Variants in PTBP2 observed in about 807,000 individuals in gnomAD.
PTBP2 encodes the protein polypyrimidine tract binding protein 2.
In PTBP2, 13 loss-of-function variants were observed where a neutral mutation model predicts 61.4. The observed-to-expected ratio is 0.21, with a 90% CI of 0.14 to 0.34. The LOEUF (loss-of-function observed/expected upper bound fraction) is 0.34. PTBP2 is among the 10% of genes least tolerant of loss of function. The pLI is 1.00. For missense variants in PTBP2, 405 were observed against 642.6 expected (o/e 0.63, Z 4.00); for synonymous variants, 215 against 218.5 (o/e 0.98, Z 0.14).
chr1:96,816,574 T>G (rs1443860638), downstream of PTBP2: 1 of 152,042 alleles, frequency 6.6e-6, no homozygotes, highest in Non-Finnish European at 1.5e-5. Flanking sequence ...ATGAAGAAAA[T>G]TTTTCCTTAA....
In PTBP2 at chr1:96,806,597, C is replaced by T. The variant is rs183659612; in HGVS notation, c.1078+145C>T. 253 of 933,384 alleles carry T rather than the reference C, an allele frequency of 2.7e-4. 2 individuals are homozygous for T. The East Asian group carries it at 6.2e-3, about 23-fold the overall frequency. The allele number at this position is 933,384 out of a possible 1,614,324, so 57.8% of individuals were successfully genotyped here. On this transcript the variant is annotated intron_variant, in intron 10 of 13. Transcript: ENST00000674951. ...TGCTATTTAAAACTCTCCATAGACA[C>T]AAAATTTGTTTTAATGCATGCTAAT...
At chr1:96,788,267 T>A (rs1659420635) in intron 8 of PTBP2, among the ~76,000 whole-genome samples, 1 of 152,126 alleles carries the variant, frequency 6.6e-6, no homozygotes, top group South Asian at 2.1e-4. Context: ...AGCCAAGCCT[T>A]CAGCTTTATT....
At chr1:96,778,079 GAAAC>G in intron 7 of PTBP2, 133 bp downstream of exon 7, 1 of 379,170 alleles carries the variant, frequency 2.6e-6, no homozygotes, top group Non-Finnish European at 4.7e-6. Context: ...TTAATATTAA[GAAAC>G]CTTAATATTT....
At chr1:96,726,522 C>T (rs1374758861) in intron 2 of PTBP2, among the ~76,000 whole-genome samples, 1 of 151,844 alleles carries the variant, frequency 6.6e-6, no homozygotes, top group East Asian at 2.0e-4. Context: ...ACTGCAACCT[C>T]TGCCTCCTGG....
At chr1:96,804,632 A>T (rs971612574) in intron 8 of PTBP2, among the ~76,000 whole-genome samples, 168 bp from the exon 9 acceptor site, 3 of 152,210 alleles carry the variant, frequency 2.0e-5, no homozygotes, top group Non-Finnish European at 4.4e-5. Context: ...TCTTTACTAC[A>T]CATCAGCAAA....
intron 11 of PTBP2, among the ~76,000 whole-genome samples, chr1:96,810,571 G>A (rs72721997): frequency 1.9e-4 from 29 of 152,150 alleles, no homozygotes; most frequent in South Asian, 6.2e-4. Context: ...TCACTCATCT[G>A]TTCTGTATGC....
At chr1:96,785,348 C>A in intron 8 of PTBP2, 94 bp downstream of exon 8, 2 of 998,564 alleles carry the variant, frequency 2.0e-6, no homozygotes, top group Non-Finnish European at 2.8e-6. Flanking sequence ...TGGACCTTAC[C>A]AAATTGTGTT....
At chr1:96,785,904 A>G (rs1283911272) in intron 8 of PTBP2, among the ~76,000 whole-genome samples, 1 of 152,216 alleles carries the variant, frequency 6.6e-6, no homozygotes, top group Admixed American at 6.5e-5. Context: ...TATAGTTGAT[A>G]GCGTGGAATC....
intron 2 of PTBP2, among the ~76,000 whole-genome samples, chr1:96,746,641 C>A (rs1038433606): frequency 3.4e-5 from 5 of 146,810 alleles, no homozygotes; most frequent in Admixed American, 2.8e-4. Context: ...GAGTTTGAGG[C>A]TGCAGTGAGC....
At position 96,806,796 on chromosome 1, in the gene PTBP2, A is replaced by T. The variant is rs1033167569; in HGVS notation, c.1079-70A>T. On this transcript the variant is annotated intron_variant, in intron 10 of 13. Transcript: ENST00000674951. ...AATGTTTCATTGATATGTCAGAAAG[A>T]TAATCTTTAGGTGACTTCCACATAA... The T allele has an allele frequency of 2.7e-6, 3 of 1,126,246 alleles. No individual in the cohort carries two copies. In the African/African-American group the frequency reaches 4.8e-5, roughly 18 times the overall value. 69.8% of individuals were successfully genotyped at this position (1,126,246 alleles called of 1,614,324 possible). A position where few individuals can be genotyped will look rare whatever the true frequency, so the allele number is the denominator to read the frequency against.
At chr1:96,768,231 T>C (rs1656965796) in intron 3 of PTBP2, among the ~76,000 whole-genome samples, 1 of 152,006 alleles carries the variant, frequency 6.6e-6, no homozygotes, top group African/African-American at 2.4e-5. Flanking sequence ...TCAGGAATCA[T>C]ATAATCATCT....
In PTBP2 at chr1:96,814,506, C is replaced by T. The variant is rs1280282440; in HGVS notation, c.*1101C>T. The T allele has an allele frequency of 1.3e-5, 2 of 152,366 alleles. No individual in the cohort carries two copies. The highest frequency in any genetic ancestry group is 4.8e-5 in the African/African-American group (2 of 41,398). The allele number at this position is 152,366 out of a possible 1,614,324, so 9.4% of individuals were successfully genotyped here. On this transcript the variant is annotated 3_prime_UTR_variant, in exon 14 of 14. Coordinates refer to ENST00000674951, the MANE Select transcript of PTBP2 (RefSeq NM_021190.4). ...GTAATATTCAGTTTTAATAAATCTT[C>T]AAAATATTTTGTATTTAGGAATAGA...
In PTBP2 at chr1:96,813,019, A is replaced by T. The variant is rs908853034; in HGVS notation, c.1389-10A>T. On this transcript the variant is annotated splice_polypyrimidine_tract_variant and intron_variant, in intron 12 of 13. Transcript: ENST00000674951. The stretch of plus-strand genomic sequence containing the variant: ...AATCTTCACTTTTTCTTCCCATTCA[A>T]TTTTCCTAGTCCATCAGTAGCAGAA... The T allele has an allele frequency of 1.2e-6, 2 of 1,609,362 alleles. No homozygotes were observed. The highest frequency in any genetic ancestry group is 1.7e-5 in the Admixed American group (1 of 59,932).
At chr1:96,800,153 A>G (rs1442968209) in intron 8 of PTBP2, among the ~76,000 whole-genome samples, 1 of 152,144 alleles carries the variant, frequency 6.6e-6, no homozygotes, top group Non-Finnish European at 1.5e-5. Context: ...CATTGGACAT[A>G]ATAGATTATC....
intron 3 of PTBP2, among the ~76,000 whole-genome samples, chr1:96,769,426 A>G (rs1339857710): frequency 6.6e-6 from 1 of 152,032 alleles, no homozygotes; most frequent in Admixed American, 6.5e-5. Flanking sequence ...ATGAGATTAC[A>G]TTTTAATGTT....
At chr1:96,802,926 C>T (rs1178753499) in intron 8 of PTBP2, among the ~76,000 whole-genome samples, 1 of 151,902 alleles carries the variant, frequency 6.6e-6, no homozygotes, top group Non-Finnish European at 1.5e-5. Flanking sequence ...AAAATACTGA[C>T]GAATAGTATT....
At chr1:96,817,505 T>G (rs1451669285), downstream of PTBP2, 3 of 151,696 alleles carry the variant, frequency 2.0e-5, no homozygotes, top group Non-Finnish European at 4.4e-5. Context: ...AGTGTACATG[T>G]TAAAGTTATA....
chr1:96,802,521 T>C (rs1288146724), intron 8 of PTBP2, among the ~76,000 whole-genome samples: 3 of 152,212 alleles, frequency 2.0e-5, no homozygotes, highest in Non-Finnish European at 4.4e-5. Context: ...GCCCTTAGAA[T>C]TACTTCTTCC....
intron 3 of PTBP2, among the ~76,000 whole-genome samples, chr1:96,764,478 T>C (rs778464584): frequency 1.4e-4 from 22 of 152,222 alleles, no homozygotes; most frequent in Non-Finnish European, 3.1e-4. Flanking sequence ...TCCCTTTAGG[T>C]ATACATATTT....
Sources: gnomAD v4.1 joint callset for allele counts (sites outside exome capture counted in the v4.1 genomes callset) on GRCh38, gnomAD v4.1.1 for gene constraint, MANE v1.5 for transcripts, NCBI Gene and HGNC (gene_info 2026-07-23, HGNC 2026-07-21) for gene names.